Variants in PCDHA1 observed in about 807,000 individuals in gnomAD.
PCDHA1 encodes protocadherin alpha 1.
A neutral mutation model predicts 61.3 loss-of-function variants in PCDHA1; 42 were observed. That is an observed-to-expected ratio of 0.69 (90% CI 0.54 to 0.89). PCDHA1 has a LOEUF of 0.89. Among genes scored for constraint, PCDHA1 ranks in the 40% least tolerant of loss-of-function variants. The pLI, the probability that PCDHA1 is intolerant of heterozygous loss-of-function variation, is 0.00. For synonymous variants in PCDHA1, 610 were observed against 553.8 expected (o/e 1.10, Z -1.43); for missense variants, 1,256 against 1,235.3 (o/e 1.02, Z -0.25).
intron 1 of PCDHA1, among the ~76,000 whole-genome samples, chr5:140,945,123 A>G (rs1421068345): frequency 2.0e-5 from 3 of 152,190 alleles, no homozygotes; most frequent in African/African-American, 4.8e-5. Context: ...TAAAAAATCA[A>G]CTTACAAAAA....
At chr5:140,870,338 T>C in intron 1 of PCDHA1, 1 of 1,614,186 alleles carries the variant, frequency 6.2e-7, no homozygotes, top group Non-Finnish European at 8.5e-7. Context: ...GACAGCGCCC[T>C]GGACCGCGAG....
At chr5:140,828,526 T>G in intron 1 of PCDHA1, 2 of 1,614,226 alleles carry the variant, frequency 1.2e-6, no homozygotes, top group Non-Finnish European at 1.7e-6. Flanking sequence ...TTTACGAATC[T>G]AGGCTGCCAG....
intron 1 of PCDHA1, chr5:140,801,688 C>A: frequency 6.2e-7 from 1 of 1,614,212 alleles, no homozygotes. Flanking sequence ...GATATCGGAA[C>A]AAATTCGTTG....
intron 3 of PCDHA1, among the ~76,000 whole-genome samples, chr5:140,984,776 G>C (rs1310495858): frequency 6.6e-6 from 1 of 152,062 alleles, no homozygotes; most frequent in Non-Finnish European, 1.5e-5. Context: ...AAGCTTACTT[G>C]CTGGGTGAGC....
intron 2 of PCDHA1, among the ~76,000 whole-genome samples, chr5:140,980,889 T>C (rs1554242442): frequency 2.6e-5 from 4 of 152,202 alleles, no homozygotes; most frequent in Non-Finnish European, 4.4e-5. Flanking sequence ...GTCTTTCCAG[T>C]CTTGGACATC....
chr5:140,835,627 G>A, intron 1 of PCDHA1: 1 of 1,613,916 alleles, frequency 6.2e-7, no homozygotes, highest in Non-Finnish European at 8.5e-7. Flanking sequence ...GCTCTGGACC[G>A]CGAGAGTGTG....
chr5:140,845,159 A>G (rs1332368561), intron 1 of PCDHA1, among the ~76,000 whole-genome samples: 4 of 149,530 alleles, frequency 2.7e-5, no homozygotes, highest in Non-Finnish European at 1.5e-5. Context: ...TGTAAAAGCG[A>G]ATTGTTTTCA....
At chr5:140,848,501 A>G (rs2150411434) in intron 1 of PCDHA1, 1 of 1,586,022 alleles carries the variant, frequency 6.3e-7, no homozygotes, top group African/African-American at 1.4e-5. Flanking sequence ...TTGAAATGTT[A>G]TACTCAAGTC....
intron 1 of PCDHA1, chr5:140,848,806 T>G (rs2150421063): frequency 1.3e-6 from 2 of 1,591,932 alleles, no homozygotes; most frequent in African/African-American, 2.7e-5. Flanking sequence ...GAGTGCAGCA[T>G]CCACCTGGAG....
chr5:140,896,194 T>G (rs2065426928), intron 1 of PCDHA1, among the ~76,000 whole-genome samples: 2 of 152,244 alleles, frequency 1.3e-5, no homozygotes, highest in Middle Eastern at 3.2e-3. Flanking sequence ...AATAGTGCCA[T>G]GATGAACATA....
intron 1 of PCDHA1, among the ~76,000 whole-genome samples, chr5:140,938,121 A>T (rs981387543): frequency 2.0e-5 from 3 of 151,892 alleles, no homozygotes; most frequent in Admixed American, 6.6e-5. Context: ...CTCTTTTTTT[A>T]AAAAAATAGA....
rs374159724 is a variant in PCDHA1 at position 140,856,795 on chromosome 5, G to T, written c.2394+68111G>T. The T allele has an allele frequency of 2.1e-5, 34 of 1,595,942 alleles. 4 individuals are homozygous for T. Among genetic ancestry groups the T allele is most frequent in the Non-Finnish European group, 2.7e-5 (32 of 1,165,996 alleles). ...TTGACAGACCGGTTTATGAAGTTAA[G>T]ATGTATGAAAATCAAGTGAACCAAA... On this transcript the variant is annotated intron_variant, in intron 1 of 3. Transcript: ENST00000504120.
chr5:140,932,493 T>C (rs148938081), intron 1 of PCDHA1, among the ~76,000 whole-genome samples: 1 of 151,888 alleles, frequency 6.6e-6, no homozygotes, highest in Non-Finnish European at 1.5e-5. Flanking sequence ...CTTTGCAATG[T>C]CATTTGTTAA....
chr5:140,793,573 T>G (rs1371231277), intron 1 of PCDHA1, among the ~76,000 whole-genome samples: 2 of 152,238 alleles, frequency 1.3e-5, no homozygotes, highest in African/African-American at 2.4e-5. Flanking sequence ...CTCTCTTTGC[T>G]CTAGGAAGCT....
At chr5:140,927,627 T>A (rs145171269) in intron 1 of PCDHA1, 5 of 1,614,062 alleles carry the variant, frequency 3.1e-6, no homozygotes, top group Non-Finnish European at 3.4e-6. Flanking sequence ...TTCCAGAGAC[T>A]GCACCCAATG....
chr5:140,795,067 G>A, intron 1 of PCDHA1: 1 of 1,613,954 alleles, frequency 6.2e-7, no homozygotes, highest in Non-Finnish European at 8.5e-7. Flanking sequence ...CCGCTACTCC[G>A]TCCCCGAGGA....
At chr5:140,889,231 T>G (rs1456128446) in intron 1 of PCDHA1, among the ~76,000 whole-genome samples, 2 of 151,912 alleles carry the variant, frequency 1.3e-5, no homozygotes, top group Non-Finnish European at 2.9e-5. Flanking sequence ...TTTGAAAACT[T>G]CCAGAAAATT....
intron 1 of PCDHA1, among the ~76,000 whole-genome samples, chr5:140,940,415 A>G (rs1187271340): frequency 2.0e-5 from 3 of 152,118 alleles, no homozygotes; most frequent in African/African-American, 7.2e-5. Flanking sequence ...TAAAAATTAT[A>G]ATTATTACTG....
chr5:140,876,839 C>G, intron 1 of PCDHA1: 1 of 1,614,116 alleles, frequency 6.2e-7, no homozygotes, highest in Non-Finnish European at 8.5e-7. Flanking sequence ...CCTGCGTTCG[C>G]GCAGCCCGAG....
Sources: allele counts gnomAD v4.1 joint callset (sites outside exome capture counted in the v4.1 genomes callset), GRCh38; gene constraint gnomAD v4.1.1; transcripts MANE v1.5; gene names NCBI Gene and HGNC (gene_info 2026-07-23, HGNC 2026-07-21).